ADAT2: variants seen among roughly 807,000 people sequenced by gnomAD.
The protein encoded by ADAT2 is adenosine deaminase tRNA specific 2.
In ADAT2, 26 loss-of-function variants were observed where a neutral mutation model predicts 25.9. The ratio of observed to expected loss-of-function variants is 1.00; its 90% confidence interval spans 0.74 to 1.39. The LOEUF (loss-of-function observed/expected upper bound fraction) is 1.39. Among genes scored for constraint, ADAT2 ranks in the 40% most tolerant of loss-of-function variants. The pLI is 0.00. For synonymous variants in ADAT2, 76 were observed against 86.8 expected (o/e 0.88, Z 0.69); for missense variants, 220 against 244.8 (o/e 0.90, Z 0.68).
rs982908673 is a variant in ADAT2 at position 143,440,568 on chromosome 6, T to C, written c.97-1874A>G. The stretch of plus-strand genomic sequence containing the variant: ...CAGTATCTGATGCAGTAAGACTGCA[T>C]TCAGGACTATTTTATGAACTATCCA... On this transcript the variant is annotated intron_variant, in intron 1 of 5. Coordinates refer to ENST00000237283, the MANE Select transcript of ADAT2 (RefSeq NM_182503.3). This position sits in a 1 kb window ranked among gnomAD's most constrained non-coding sequence, Gnocchi z 4.5. 2.0e-5 allele frequency among the ~76,000 whole-genome samples: 3 copies of C among 152,202 alleles called. No homozygotes were observed. Among genetic ancestry groups the C allele is most frequent in the Non-Finnish European group, 4.4e-5 (3 of 68,034 alleles).
At chr6:143,450,509 T>C in intron 1 of ADAT2, 54 bp downstream of exon 1, 1 of 1,581,562 alleles carries the variant, frequency 6.3e-7, no homozygotes, top group African/African-American at 1.3e-5. Flanking sequence ...CGGGGTCGGG[T>C]TGAGGGCTGG....
Position 143,436,541 on chromosome 6 carries a change from G to T in ADAT2, c.201+2049C>A. ...TCAGAGCAGTTCACAGCCATGTTCA[G>T]GTGCAAGGCCTTCCTGCACTGGTAC... On this transcript the variant is annotated intron_variant, in intron 2 of 5. Transcript: ENST00000237283. This position sits in a 1 kb window ranked among gnomAD's most constrained non-coding sequence, Gnocchi z 4.1. 5.0e-6 allele frequency: 2 copies of T among 400,062 alleles called. No individual in the cohort carries two copies. The highest frequency in any genetic ancestry group is 2.2e-5 in the South Asian group (1 of 46,262). 24.8% of individuals were successfully genotyped at this position (400,062 alleles called of 1,614,324 possible). A position where few individuals can be genotyped will look rare whatever the true frequency, so the allele number is the denominator to read the frequency against.
intron 2 of ADAT2, among the ~76,000 whole-genome samples, chr6:143,435,157 TAAAAAAAAAA>T (rs1554278578): frequency 8.2e-6 from 1 of 122,068 alleles, no homozygotes. Flanking sequence ...GTGGAGAGTT[TAAAAAAAAAA>T]AAAAAAAAAA....
At chr6:143,438,186 G>A (rs990621086) in intron 2 of ADAT2, among the ~76,000 whole-genome samples, 3 of 152,144 alleles carry the variant, frequency 2.0e-5, no homozygotes, top group Non-Finnish European at 4.4e-5. Context: ...AATGTATTAT[G>A]AGTTAAATTG....
At chr6:143,433,731 A>C in intron 3 of ADAT2, 100 bp downstream of exon 3, 1 of 1,258,642 alleles carries the variant, frequency 7.9e-7, no homozygotes, top group Non-Finnish European at 1.1e-6. Flanking sequence ...GGTGTTTCCT[A>C]AGTCTGTGTT....
rs775768101 is a variant in ADAT2, at chr6:143,425,351, CA to C, written c.*3111del. On this transcript the variant is annotated 3_prime_UTR_variant, in exon 6 of 6. Coordinates refer to ENST00000237283, the MANE Select transcript of ADAT2 (RefSeq NM_182503.3). ...GCAACATAGTGAGACCTTGTCTCTA[CA>C]AAAAAAAAAAAAAAAAAAAATTAGG... The C allele has an allele frequency of 0.24, 22,416 of 92,552 alleles. 1,524 individuals carry two copies. The highest frequency in any genetic ancestry group is 0.3 in the African/African-American group (7,407 of 24,704). The allele number at this position is 92,552 out of a possible 1,614,324, so 5.7% of individuals were successfully genotyped here. A position where few individuals can be genotyped will look rare whatever the true frequency, so the allele number is the denominator to read the frequency against.
rs147719837 is a variant in ADAT2 at position 143,437,808 on chromosome 6, T to C, written c.201+782A>G. On this transcript the variant is annotated intron_variant, in intron 2 of 5. Transcript: ENST00000237283. The surrounding 1 kb of genome is among the most constrained non-coding windows in gnomAD (Gnocchi z 4.1). ...ATGACAAGATAAAAGTCTGTGTGAA[T>C]GGCATTACAGGTATAAGTGATCTTT... Among the ~76,000 whole-genome samples the C allele has an allele frequency of 0.016, 2,468 of 152,318 alleles. 33 individuals carry two copies. Among genetic ancestry groups the C allele is most frequent in the Non-Finnish European group, 0.023 (1,562 of 68,016 alleles).
rs1583982973 is a variant in ADAT2 at position 143,438,765 on chromosome 6, G to A, written c.97-71C>T. The A allele has an allele frequency of 7.9e-6, 10 of 1,270,790 alleles. No homozygotes were observed. The East Asian group carries it at 2.3e-4, about 30-fold the overall frequency. The allele number at this position is 1,270,790 out of a possible 1,614,324, so 78.7% of individuals were successfully genotyped here. ...AAGAGAGTATAGGAGAGAAAGAGATGCAGCATGAACAAGATACACATGTAC... is the reference window on the plus strand; with the variant it reads ...AAGAGAGTATAGGAGAGAAAGAGATACAGCATGAACAAGATACACATGTAC... On this transcript the variant is annotated intron_variant, in intron 1 of 5. Coordinates refer to ENST00000237283, the MANE Select transcript of ADAT2 (RefSeq NM_182503.3).
At position 143,444,125 on chromosome 6, in the gene ADAT2, C is replaced by A. The variant is rs1779532828; in HGVS notation, c.97-5431G>T. Among the ~76,000 whole-genome samples the A allele has an allele frequency of 1.3e-5, 2 of 152,108 alleles. No individual in the cohort carries two copies. Among genetic ancestry groups the A allele is most frequent in the Admixed American group, 6.5e-5 (1 of 15,272 alleles). On this transcript the variant is annotated intron_variant, in intron 1 of 5. Coordinates refer to ENST00000237283, the MANE Select transcript of ADAT2 (RefSeq NM_182503.3). This position sits in a 1 kb window ranked among gnomAD's most constrained non-coding sequence, Gnocchi z 4.3. The stretch of plus-strand genomic sequence containing the variant: ...CCTTCCTTTGGATTTTTCTCTTTTT[C>A]CGTCTAGCAAATTTATTTCATTTCA...
At position 143,434,820 on chromosome 6, in the gene ADAT2, ATTAT is replaced by A. The variant is rs1320114116; in HGVS notation, c.202-843_202-840del. 1.1e-4 allele frequency among the ~76,000 whole-genome samples: 17 copies of A among 152,342 alleles called. No homozygotes were observed. Among genetic ancestry groups the A allele is most frequent in the African/African-American group, 4.1e-4 (17 of 41,580 alleles). On this transcript the variant is annotated intron_variant, in intron 2 of 5. Transcript: ENST00000237283. This position sits in a 1 kb window ranked among gnomAD's most constrained non-coding sequence, Gnocchi z 4.5. ...TGAATCATAGATTCTATATGGAATA[ATTAT>A]TTATAATATTCATGACAATAGTATT...
chr6:143,442,885 A>G lies in ADAT2; in HGVS notation c.97-4191T>C, dbSNP rs1779502102. On this transcript the variant is annotated intron_variant, in intron 1 of 5. Transcript: ENST00000237283. This position sits in a 1 kb window ranked among gnomAD's most constrained non-coding sequence, Gnocchi z 4.6. Reference sequence around the variant, plus strand: ...AGGTGGAATGGTGGAGATGAAAACCAGTAGCTTGAACAGTGACTTATCTAA... The same window carrying G: ...AGGTGGAATGGTGGAGATGAAAACCGGTAGCTTGAACAGTGACTTATCTAA... Among the ~76,000 whole-genome samples the G allele has an allele frequency of 6.6e-6, 1 of 152,180 alleles. No individual in the cohort carries two copies. The highest frequency in any genetic ancestry group is 1.5e-5 in the Non-Finnish European group (1 of 68,034).
In ADAT2 at chr6:143,428,400, C is replaced by T. The variant is rs1334499956; in HGVS notation, c.*63G>A. On this transcript the variant is annotated 3_prime_UTR_variant, in exon 6 of 6. Coordinates refer to ENST00000237283, the MANE Select transcript of ADAT2 (RefSeq NM_182503.3). The surrounding 1 kb of genome is among the most constrained non-coding windows in gnomAD (Gnocchi z 5.0). ...ACATATGATTCAACGATGTCAACAG[C>T]TTTCAGTCTATGAATCTTGTCCAGG... is the stretch of plus-strand genomic sequence containing the variant. The T allele has an allele frequency of 5.2e-6, 8 of 1,535,730 alleles. No individual in the cohort carries two copies. Among genetic ancestry groups the T allele is most frequent in the African/African-American group, 1.4e-5 (1 of 72,156 alleles).
Position 143,436,578 on chromosome 6 carries a change from C to T in ADAT2, c.201+2012G>A, listed in dbSNP as rs1779289764. The T allele has an allele frequency of 4.9e-6, 2 of 410,274 alleles. No individual in the cohort carries two copies. Among genetic ancestry groups the T allele is most frequent in the Non-Finnish European group, 1.0e-5 (2 of 200,198 alleles). 25.4% of individuals were successfully genotyped at this position (410,274 alleles called of 1,614,324 possible). ...TCCTGCACTGGTACATGGGCGAGGG[C>T]AAGAATGAGATGGAATTCACTGGGG... On this transcript the variant is annotated intron_variant, in intron 2 of 5. Coordinates refer to ENST00000237283, the MANE Select transcript of ADAT2 (RefSeq NM_182503.3). This position sits in a 1 kb window ranked among gnomAD's most constrained non-coding sequence, Gnocchi z 4.1.
At chr6:143,433,799 A>C in intron 3 of ADAT2, 32 bp downstream of exon 3, 2 of 1,608,398 alleles carry the variant, frequency 1.2e-6, no homozygotes, top group East Asian at 4.5e-5. Flanking sequence ...CACGAATGGT[A>C]CGATACATTA....
At chr6:143,430,330 C>T (rs1200887660) in intron 4 of ADAT2, among the ~76,000 whole-genome samples, 1 of 152,120 alleles carries the variant, frequency 6.6e-6, no homozygotes, top group Non-Finnish European at 1.5e-5. Flanking sequence ...TCTCTGGAAA[C>T]ACAGCACTGT....
intron 1 of ADAT2, among the ~76,000 whole-genome samples, chr6:143,443,715 T>A (rs568178494): frequency 1.2e-3 from 185 of 151,476 alleles, no homozygotes; most frequent in Non-Finnish European, 2.2e-3. Flanking sequence ...CCTGTAATCC[T>A]AGCTACTTGG....
At chr6:143,433,682 C>A in intron 3 of ADAT2, 149 bp downstream of exon 3, 2 of 698,520 alleles carry the variant, frequency 2.9e-6, no homozygotes, top group Non-Finnish European at 2.1e-6. Flanking sequence ...ATTTAAAAAG[C>A]TTTTCTTTTT....
intron 4 of ADAT2, among the ~76,000 whole-genome samples, chr6:143,430,496 A>G (rs9496625): frequency 0.28 from 42,481 of 151,780 alleles, 6,170 homozygotes; most frequent in Admixed American, 0.32. Flanking sequence ...CCAATATAAT[A>G]TATTATTTAC....
rs897805091 is a variant in ADAT2, at chr6:143,430,045, C to T, written c.460-1361G>A. 3.9e-5 allele frequency among the ~76,000 whole-genome samples: 6 copies of T among 152,316 alleles called. No homozygotes were observed. In the East Asian group the frequency reaches 9.6e-4, roughly 24 times the overall value. The stretch of plus-strand genomic sequence containing the variant: ...GGTCCCTACTGACCAAAACACTTGC[C>T]TCCTTTCAGATTCCTCAACTCTGCA... On this transcript the variant is annotated intron_variant, in intron 4 of 5. Transcript: ENST00000237283.
Sources: gnomAD v4.1 joint callset for allele counts (sites outside exome capture counted in the v4.1 genomes callset) on GRCh38, gnomAD v4.1.1 for gene constraint, Gnocchi (gnomAD v3.1) non-coding constraint, MANE v1.5 for transcripts, NCBI Gene and HGNC (gene_info 2026-07-23, HGNC 2026-07-21) for gene names.